The following MMP27 variants were observed in gnomAD, a reference collection of about 807,000 sequenced individuals.
MMP27 encodes the protein matrix metallopeptidase 27, also known as matrix metalloproteinase-27.
A neutral mutation model predicts 48.1 loss-of-function variants in MMP27; 51 were observed. That is an observed-to-expected ratio of 1.06 (90% confidence interval 0.85 to 1.34). MMP27 has a LOEUF of 1.34. Among genes scored for constraint, MMP27 ranks in the 40% most tolerant of loss-of-function variants. MMP27 has a pLI of 0.00. For missense variants in MMP27, 698 were observed against 619.3 expected (o/e 1.13, Z -1.35); for synonymous variants, 229 against 208.9 (o/e 1.10, Z -0.83).
At chr11:102,694,278 C>T (rs1353283550) in intron 7 of MMP27, among the ~76,000 whole-genome samples, 1 of 152,098 alleles carries the variant, frequency 6.6e-6, no homozygotes, top group Non-Finnish European at 1.5e-5. Flanking sequence ...AGTATGCGTA[C>T]CTTTGTCAAT....
chr11:102,700,294 C>A (rs1565428331), intron 4 of MMP27, among the ~76,000 whole-genome samples: 1 of 152,214 alleles, frequency 6.6e-6, no homozygotes, highest in Non-Finnish European at 1.5e-5. Context: ...GTCTCTGTCT[C>A]ATGGAGATGT....
chr11:102,700,876 A>G (rs767369522), intron 4 of MMP27, among the ~76,000 whole-genome samples: 18 of 152,368 alleles, frequency 1.2e-4, no homozygotes, highest in Middle Eastern at 3.4e-3. Flanking sequence ...AAGCAGCTTA[A>G]TAGCATCATT....
intron 7 of MMP27, among the ~76,000 whole-genome samples, chr11:102,694,301 A>G (rs551379677): frequency 6.6e-6 from 1 of 152,344 alleles, no homozygotes; most frequent in East Asian, 1.9e-4. Flanking sequence ...GTTTCATTGC[A>G]TTGATTGCTT....
chr11:102,701,033 T>G (rs1860930367), intron 4 of MMP27, among the ~76,000 whole-genome samples: 1 of 152,232 alleles, frequency 6.6e-6, no homozygotes, highest in Admixed American at 6.5e-5. Flanking sequence ...GCAATTTTGT[T>G]GGAGATTACG....
rs1005976175 is a variant in MMP27 at position 102,691,631 on chromosome 11, G to A, written c.*135C>T. 12 of 699,710 alleles carry A rather than the reference G, an allele frequency of 1.7e-5. No individual in the cohort carries two copies. Among genetic ancestry groups the A allele is most frequent in the Non-Finnish European group, 2.7e-5 (12 of 447,528 alleles). 43.3% of individuals were successfully genotyped at this position (699,710 alleles called of 1,614,324 possible). ...AATAACTTCCTATTAAAAGAATCAG[G>A]CAGCTCAAAATGGCCATTGAATTTG... On this transcript the variant is annotated 3_prime_UTR_variant, in exon 10 of 10. Transcript: ENST00000260229.
intron 4 of MMP27, among the ~76,000 whole-genome samples, chr11:102,700,460 T>C (rs1404280673): frequency 6.6e-6 from 1 of 152,256 alleles, no homozygotes; most frequent in African/African-American, 2.4e-5. Context: ...GAGTGTTCAC[T>C]ATGGACAACT....
intron 4 of MMP27, among the ~76,000 whole-genome samples, chr11:102,699,298 C>T (rs1054187547): frequency 1.3e-5 from 2 of 151,744 alleles, no homozygotes; most frequent in East Asian, 3.9e-4. Flanking sequence ...GAAACCCTGT[C>T]TCTACTAAAG....
chr11:102,704,432 G>A (rs1321842438), intron 2 of MMP27, 105 bp downstream of exon 2: 5 of 870,390 alleles, frequency 5.7e-6, no homozygotes, highest in Non-Finnish European at 9.3e-6. Flanking sequence ...GATGTGCTGT[G>A]CACACAGGAA....
intron 6 of MMP27, among the ~76,000 whole-genome samples, chr11:102,695,866 T>C (rs1860816265): frequency 6.6e-6 from 1 of 152,232 alleles, no homozygotes; most frequent in Non-Finnish European, 1.5e-5. Context: ...ACTTTATTGA[T>C]GCAACTTTAA....
chr11:102,697,523 T>C (rs1044601996), intron 4 of MMP27, among the ~76,000 whole-genome samples: 3 of 152,222 alleles, frequency 2.0e-5, no homozygotes, highest in Non-Finnish European at 4.4e-5. Context: ...AATTTTTTTT[T>C]TGAGGCAGGG....
chr11:102,694,109 A>G, intron 7 of MMP27, 44 bp from the exon 8 acceptor site: 2 of 1,409,784 alleles, frequency 1.4e-6, no homozygotes, highest in Non-Finnish European at 1.9e-6. Flanking sequence ...AGGGAGAAAT[A>G]GGTATCTCAA....
Position 102,691,924 on chromosome 11 carries a change from A to G in MMP27, c.1384T>C (p.Trp462Arg). 6.2e-7 allele frequency: 1 copy of G among 1,613,592 alleles called. No individual in the cohort carries two copies. Among genetic ancestry groups the G allele is most frequent in the Non-Finnish European group, 8.5e-7 (1 of 1,179,774 alleles). Residue 462 changes from tryptophan (W) to arginine (R), a missense_variant, in exon 10 of 10, where the codon TGG becomes CGG. Coordinates refer to ENST00000260229, the MANE Select transcript of MMP27 (RefSeq NM_022122.3). Reference sequence around the variant, plus strand: ...TTCTTTGGTTCTTTGCATTGAAACCAAGTATTAGTTCTCATGATTCGGGTA... The same window carrying G: ...TTCTTTGGTTCTTTGCATTGAAACCGAGTATTAGTTCTCATGATTCGGGTA... ...NITRIMRTNTWFQCKEPKNSS... is the reference protein window; with the variant it reads ...NITRIMRTNTRFQCKEPKNSS...
At chr11:102,698,240 T>C (rs548618664) in intron 4 of MMP27, among the ~76,000 whole-genome samples, 18 of 152,330 alleles carry the variant, frequency 1.2e-4, no homozygotes, top group African/African-American at 3.6e-4. Flanking sequence ...AGTTTGTTTA[T>C]ATCAACATCA....
At chr11:102,699,846 A>G (rs1323902633) in intron 4 of MMP27, among the ~76,000 whole-genome samples, 1 of 152,150 alleles carries the variant, frequency 6.6e-6, no homozygotes, top group Non-Finnish European at 1.5e-5. Context: ...CTACAATTCT[A>G]TTCCTTATGT....
Position 102,691,514 on chromosome 11 carries a change from T to C in MMP27, c.*252A>G. The stretch of plus-strand genomic sequence containing the variant: ...GAATGCTAAAGATTGGTTTAATAAA[T>C]GTTTCAGTATTCAGTTATAAGACAT... On this transcript the variant is annotated 3_prime_UTR_variant, in exon 10 of 10. Transcript: ENST00000260229. 1 of 324,376 alleles carries C rather than the reference T, an allele frequency of 3.1e-6. No individual in the cohort carries two copies. The highest frequency in any genetic ancestry group is 5.6e-6 in the Non-Finnish European group (1 of 177,972). 20.1% of individuals were successfully genotyped at this position (324,376 alleles called of 1,614,324 possible). A position where few individuals can be genotyped will look rare whatever the true frequency, so the allele number is the denominator to read the frequency against.
intron 4 of MMP27, among the ~76,000 whole-genome samples, chr11:102,701,076 G>A (rs1163060981): frequency 1.3e-5 from 2 of 152,170 alleles, no homozygotes; most frequent in Non-Finnish European, 2.9e-5. Flanking sequence ...CATTGGAGAA[G>A]AGGAAGGTAT....
At chr11:102,698,239 A>C (rs1860870134) in intron 4 of MMP27, among the ~76,000 whole-genome samples, 1 of 152,196 alleles carries the variant, frequency 6.6e-6, no homozygotes, top group Non-Finnish European at 1.5e-5. Context: ...AAGTTTGTTT[A>C]TATCAACATC....
chr11:102,693,062 G>A lies in MMP27; in HGVS notation c.1194-21C>T, dbSNP rs771873649. ...CAAACCTGCATACAAGAATATGAAA[G>A]GATACCAGCGGATCTTTGGTTTGGG... On this transcript the variant is annotated intron_variant, in intron 8 of 9. Coordinates refer to ENST00000260229, the MANE Select transcript of MMP27 (RefSeq NM_022122.3). 3.8e-6 allele frequency: 6 copies of A among 1,583,184 alleles called. No homozygotes were observed. In the East Asian group the frequency reaches 1.1e-4, roughly 30 times the overall value.
At chr11:102,704,799 A>T in intron 1 of MMP27, 24 bp from the exon 2 acceptor site, 1 of 1,495,036 alleles carries the variant, frequency 6.7e-7, no homozygotes, top group African/African-American at 1.4e-5. Context: ...TAAGAAAAAA[A>T]AAAAAGAGGC....
Sources: allele counts gnomAD v4.1 joint callset (sites outside exome capture counted in the v4.1 genomes callset), GRCh38; gene constraint gnomAD v4.1.1; transcripts MANE v1.5; gene names NCBI Gene and HGNC (gene_info 2026-07-23, HGNC 2026-07-21).